The following WAC variants were observed in gnomAD, a reference collection of about 807,000 sequenced individuals.
WAC encodes the protein WW domain-containing adapter protein with coiled-coil.
A neutral mutation model predicts 79.6 loss-of-function variants in WAC; 11 were observed. The observed-to-expected ratio is 0.14, with a 90% CI of 0.09 to 0.23. The LOEUF (loss-of-function observed/expected upper bound fraction) is 0.23, where lower values mean the gene tolerates loss of function less well. WAC is among the 10% of genes least tolerant of loss of function. WAC has a pLI of 1.00. For synonymous variants in WAC, 304 were observed against 276.9 expected (o/e 1.10, Z -0.97); for missense variants, 728 against 773.5 (o/e 0.94, Z 0.70).
intron 2 of WAC, 140 bp from the exon 3 acceptor site, chr10:28,535,415 TTAAAGAG>T (rs146618273): frequency 8.7e-5 from 87 of 996,786 alleles, no homozygotes; most frequent in Non-Finnish European, 1.2e-4. Context: ...CTGAGAAACT[TTAAAGAG>T]TAAAGCAGAA....
At chr10:28,561,950 G>T (rs929149544) in intron 3 of WAC, among the ~76,000 whole-genome samples, 4 of 152,180 alleles carry the variant, frequency 2.6e-5, no homozygotes, top group Admixed American at 6.5e-5. Context: ...CATTGAATTG[G>T]AATTGTTGGG....
intron 12 of WAC, among the ~76,000 whole-genome samples, 183 bp from the exon 13 acceptor site, chr10:28,617,474 C>T (rs531026362): frequency 1.9e-4 from 29 of 152,318 alleles, no homozygotes; most frequent in Non-Finnish European, 3.8e-4. Context: ...GTACCTTCCA[C>T]CCTTAGAGAC....
chr10:28,561,319 A>G (rs187825998), intron 3 of WAC, among the ~76,000 whole-genome samples: 9 of 152,296 alleles, frequency 5.9e-5, no homozygotes, highest in Admixed American at 5.2e-4. Context: ...GGAAGCCCCC[A>G]TGTACTACCT....
At chr10:28,575,072 A>G (rs1404376767) in intron 3 of WAC, among the ~76,000 whole-genome samples, 2 of 152,300 alleles carry the variant, frequency 1.3e-5, no homozygotes, top group South Asian at 2.1e-4. Flanking sequence ...TATTTTGTAT[A>G]TATCTTCAAC....
At chr10:28,562,031 A>T (rs549602421) in intron 3 of WAC, among the ~76,000 whole-genome samples, 15 of 152,198 alleles carry the variant, frequency 9.9e-5, no homozygotes, top group African/African-American at 3.6e-4. Context: ...GATATGCTAC[A>T]GACAGCTGAG....
chr10:28,610,379 G>C (rs1239830250), intron 8 of WAC, among the ~76,000 whole-genome samples: 6 of 152,054 alleles, frequency 3.9e-5, no homozygotes, highest in Non-Finnish European at 8.8e-5. Context: ...CATATGAATA[G>C]GTTTCTGACA....
chr10:28,615,976 G>GTTTT (rs1411152666), intron 11 of WAC, 197 bp from the exon 12 acceptor site: 2 of 458,772 alleles, frequency 4.4e-6, no homozygotes, highest in Non-Finnish European at 3.8e-6. Flanking sequence ...TGTTAAAAGG[G>GTTTT]TTTTTTCCCC....
rs73609817 is a variant in WAC at position 28,555,692 on chromosome 10, C to T, written c.274+19935C>T. 4.0e-3 allele frequency among the ~76,000 whole-genome samples: 615 copies of T among 152,190 alleles called. 6 individuals are homozygous for T. The highest frequency in any genetic ancestry group is 0.014 in the African/African-American group (593 of 41,526). On this transcript the variant is annotated intron_variant, in intron 3 of 13. Coordinates refer to ENST00000354911, the MANE Select transcript of WAC (RefSeq NM_016628.5). ...TTCTTGGAAACTTAATTCCCAGATTCATATATTGATCGTATTTGGAGGTTG... is the reference window on the plus strand; with the variant it reads ...TTCTTGGAAACTTAATTCCCAGATTTATATATTGATCGTATTTGGAGGTTG...
chr10:28,556,614 T>G (rs1382591902), intron 3 of WAC, among the ~76,000 whole-genome samples: 3 of 152,016 alleles, frequency 2.0e-5, no homozygotes, highest in Non-Finnish European at 2.9e-5. Context: ...TGGTGTAGTA[T>G]TCAAAAAATT....
At chr10:28,551,700 A>T (rs995358149) in intron 3 of WAC, among the ~76,000 whole-genome samples, 2 of 151,594 alleles carry the variant, frequency 1.3e-5, no homozygotes, top group Admixed American at 6.6e-5. Flanking sequence ...ATGCTGTAGG[A>T]TCTGAAATTG....
chr10:28,563,477 C>T (rs1362834662), intron 3 of WAC, among the ~76,000 whole-genome samples: 1 of 152,166 alleles, frequency 6.6e-6, no homozygotes, highest in African/African-American at 2.4e-5. Context: ...TATATTTTGA[C>T]ATAAGGTATC....
At chr10:28,619,041 G>A (rs1414663088) in intron 13 of WAC, among the ~76,000 whole-genome samples, 1 of 152,254 alleles carries the variant, frequency 6.6e-6, no homozygotes. Flanking sequence ...CACTTTGGGA[G>A]GCCAAGGTGG....
intron 3 of WAC, among the ~76,000 whole-genome samples, chr10:28,554,824 T>C (rs368314245): frequency 2.0e-5 from 3 of 152,222 alleles, no homozygotes; most frequent in Non-Finnish European, 2.9e-5. Flanking sequence ...TTCTGACTTA[T>C]CTTGGGTACC....
chr10:28,622,249 G>A lies in WAC; in HGVS notation c.*2643G>A, dbSNP rs1002071497. The A allele has an allele frequency of 1.1e-4, 16 of 151,996 alleles. No individual in the cohort carries two copies. The highest frequency in any genetic ancestry group is 2.1e-4 in the Non-Finnish European group (14 of 68,026). The allele number at this position is 151,996 out of a possible 1,614,324, so 9.4% of individuals were successfully genotyped here. ...TTTAAATATTGCACCTTAATACAAG[G>A]TATCCAGCTCCTAACCTTAACTAGG... On this transcript the variant is annotated 3_prime_UTR_variant, in exon 14 of 14. Transcript: ENST00000354911.
At chr10:28,582,866 A>T (rs936592535) in intron 3 of WAC, among the ~76,000 whole-genome samples, 10 of 152,178 alleles carry the variant, frequency 6.6e-5, no homozygotes, top group African/African-American at 2.2e-4. Context: ...TTATCATCTT[A>T]TAAGTGAGCA....
At chr10:28,534,168 C>T in intron 2 of WAC, 134 bp downstream of exon 2, 1 of 869,254 alleles carries the variant, frequency 1.2e-6, no homozygotes, top group South Asian at 2.0e-5. Flanking sequence ...ACCGCGGATC[C>T]CCTTAAAATT....
At chr10:28,595,132 ATAC>A (rs1230304418) in intron 6 of WAC, among the ~76,000 whole-genome samples, 1 of 152,236 alleles carries the variant, frequency 6.6e-6, no homozygotes, top group Non-Finnish European at 1.5e-5. Flanking sequence ...AACATTAAAA[ATAC>A]TACAGATTGG....
At chr10:28,617,343 ATC>A (rs1014080797) in intron 12 of WAC, among the ~76,000 whole-genome samples, 8 of 152,296 alleles carry the variant, frequency 5.3e-5, no homozygotes, top group African/African-American at 1.9e-4. Context: ...AGAAATGACA[ATC>A]TCTTTGGCTG....
chr10:28,567,950 C>G (rs1470294665), intron 3 of WAC, among the ~76,000 whole-genome samples: 1 of 152,152 alleles, frequency 6.6e-6, no homozygotes, highest in African/African-American at 2.4e-5. Flanking sequence ...GTTGCCCAAG[C>G]TGGTCTCGAA....
Sources: gnomAD v4.1 joint callset for allele counts (sites outside exome capture counted in the v4.1 genomes callset) on GRCh38, gnomAD v4.1.1 for gene constraint, MANE v1.5 for transcripts, NCBI Gene and HGNC (gene_info 2026-07-23, HGNC 2026-07-21) for gene names.